ACP3: variants seen among roughly 807,000 people sequenced by gnomAD.
ACP3 encodes the protein acid phosphatase 3.
Under a neutral mutation model 45.6 loss-of-function variants are expected in ACP3, and 38 were observed. The ratio of observed to expected loss-of-function variants is 0.83; its 90% CI spans 0.64 to 1.09. The LOEUF is 1.09. ACP3 is among the 50% of genes least tolerant of loss of function. The probability of loss-of-function intolerance (pLI) is 0.00; values close to 1 mark genes in which losing one functional copy is unlikely to be tolerated. For synonymous variants in ACP3, 162 were observed against 164.7 expected (o/e 0.98, Z 0.13); for missense variants, 466 against 463.2 (o/e 1.01, Z -0.05).
chr3:132,324,640 T>A (rs1444976640), intron 1 of ACP3, among the ~76,000 whole-genome samples: 1 of 152,090 alleles, frequency 6.6e-6, no homozygotes, highest in Non-Finnish European at 1.5e-5. Context: ...ATTATTTTTT[T>A]TTATTTTTAT....
chr3:132,328,228 G>C (rs1461962925), intron 1 of ACP3, 39 bp from the exon 2 acceptor site: 1 of 1,536,230 alleles, frequency 6.5e-7, no homozygotes, highest in Non-Finnish European at 9.0e-7. Context: ...AAACACCCAA[G>C]TGACGTTTGT....
intron 1 of ACP3, among the ~76,000 whole-genome samples, chr3:132,327,253 T>C (rs2107795551): frequency 6.6e-6 from 1 of 152,188 alleles, no homozygotes; most frequent in East Asian, 1.9e-4. Context: ...TGGTGGCTCA[T>C]GCCTGTAATC....
rs751551493 is a variant in ACP3, at chr3:132,352,869, G to A, written c.968+46G>A. 3 of 1,359,690 alleles carry A rather than the reference G, an allele frequency of 2.2e-6. No homozygotes were observed. The Admixed American group carries it at 5.1e-5, about 23-fold the overall frequency. The allele number at this position is 1,359,690 out of a possible 1,614,324, so 84.2% of individuals were successfully genotyped here. On this transcript the variant is annotated intron_variant, in intron 9 of 9. Transcript: ENST00000336375. ...CAAAATCAGTATCACTGGACCTTGG[G>A]TTTCATTATTATTATTTTGGGTTAA...
intron 3 of ACP3, 97 bp from the exon 4 acceptor site, chr3:132,332,095 T>C: frequency 7.7e-7 from 1 of 1,298,652 alleles, no homozygotes. Context: ...TATTTCACTG[T>C]GGGTGTCCTT....
intron 9 of ACP3, 22 bp downstream of exon 9, chr3:132,352,845 A>C (rs1266027407): frequency 6.7e-7 from 1 of 1,503,518 alleles, no homozygotes; most frequent in Non-Finnish European, 9.3e-7. Context: ...AGTGCTTTTC[A>C]AAATCAGTAT....
chr3:132,339,833 C>A (rs1009584599), intron 5 of ACP3, among the ~76,000 whole-genome samples: 1 of 152,150 alleles, frequency 6.6e-6, no homozygotes, highest in Admixed American at 6.5e-5. Context: ...TCCCTCCCCT[C>A]CCCAGAGGTT....
intron 7 of ACP3, among the ~76,000 whole-genome samples, chr3:132,348,355 C>T (rs930172704): frequency 6.6e-6 from 1 of 152,092 alleles, no homozygotes; most frequent in Admixed American, 6.6e-5. Flanking sequence ...AGCCCTCCTT[C>T]TCTGCTTGCA....
intron 8 of ACP3, among the ~76,000 whole-genome samples, chr3:132,351,782 G>A (rs1027631489): frequency 6.6e-6 from 1 of 151,908 alleles, no homozygotes; most frequent in African/African-American, 2.4e-5. Flanking sequence ...CTGCCATACA[G>A]TTTAGGCAGC....
At chr3:132,319,837 G>T (rs1937173039) in intron 1 of ACP3, among the ~76,000 whole-genome samples, 1 of 152,110 alleles carries the variant, frequency 6.6e-6, no homozygotes, top group Non-Finnish European at 1.5e-5. Context: ...CCCCTGTAAG[G>T]TTTGCTGGAT....
chr3:132,355,511 T>TTTATTTTATTTTATTTTTAG, intron 9 of ACP3, among the ~76,000 whole-genome samples: 2 of 49,466 alleles, frequency 4.0e-5, no homozygotes, highest in Admixed American at 4.3e-4. Context: ...TTTATTTTAT[T>TTTATTTTATTTTATTTTTAG]TTTATTTTAT....
chr3:132,342,680 C>G, intron 6 of ACP3, 36 bp downstream of exon 6: 1 of 1,284,440 alleles, frequency 7.8e-7, no homozygotes, highest in Non-Finnish European at 1.1e-6. Context: ...AACTTGCAAT[C>G]TGATTTTATG....
chr3:132,354,727 TA>T (rs1937839756), intron 9 of ACP3, among the ~76,000 whole-genome samples: 1 of 152,228 alleles, frequency 6.6e-6, no homozygotes, highest in Non-Finnish European at 1.5e-5. Flanking sequence ...AAAAGGTAGC[TA>T]AAAATATTCT....
intron 10 of ACP3, among the ~76,000 whole-genome samples, chr3:132,365,771 G>T (rs1447851723): frequency 6.6e-6 from 1 of 152,100 alleles, no homozygotes; most frequent in Non-Finnish European, 1.5e-5. Flanking sequence ...TGGATCACCT[G>T]AAGTCAGGAG....
chr3:132,339,693 A>G (rs1304531659), intron 5 of ACP3, among the ~76,000 whole-genome samples: 2 of 152,378 alleles, frequency 1.3e-5, no homozygotes, highest in East Asian at 3.9e-4. Context: ...ACCACATTCC[A>G]GGAACCTCTA....
chr3:132,322,540 TAAG>T (rs1332364345), intron 1 of ACP3, among the ~76,000 whole-genome samples: 3 of 152,174 alleles, frequency 2.0e-5, no homozygotes, highest in South Asian at 2.1e-4. Flanking sequence ...AATAAAATAA[TAAG>T]AAGAATTTAA....
chr3:132,324,016 G>A (rs923948206), intron 1 of ACP3, among the ~76,000 whole-genome samples: 10 of 152,108 alleles, frequency 6.6e-5, no homozygotes, highest in Non-Finnish European at 1.2e-4. Context: ...TCGGGAGTTC[G>A]AGACCAGCCT....
At chr3:132,346,174 C>G (rs1290170048) in intron 7 of ACP3, among the ~76,000 whole-genome samples, 1 of 152,192 alleles carries the variant, frequency 6.6e-6, no homozygotes, top group South Asian at 2.1e-4. Flanking sequence ...AGGTTGTTCA[C>G]TGAGGCTACT....
intron 1 of ACP3, among the ~76,000 whole-genome samples, chr3:132,327,787 CTG>C (rs1937325318): frequency 1.8e-5 from 1 of 54,082 alleles, no homozygotes; most frequent in Admixed American, 2.1e-4. Context: ...GAGCAAGACA[CTG>C]TTTCAAAAAA....
chr3:132,322,731 A>G (rs1576406637), intron 1 of ACP3, among the ~76,000 whole-genome samples: 1 of 152,210 alleles, frequency 6.6e-6, no homozygotes, highest in Non-Finnish European at 1.5e-5. Flanking sequence ...GACTGCTACA[A>G]TTTGAATGTT....
Sources: allele counts gnomAD v4.1 joint callset (sites outside exome capture counted in the v4.1 genomes callset), GRCh38; gene constraint gnomAD v4.1.1; transcripts MANE v1.5; gene names NCBI Gene and HGNC (gene_info 2026-07-23, HGNC 2026-07-21).